MAGI1: variants seen among roughly 807,000 people sequenced by gnomAD.
MAGI1 encodes the protein membrane associated guanylate kinase, WW and PDZ domain containing 1.
Under a neutral mutation model 139.9 loss-of-function variants are expected in MAGI1, and 58 were observed. That is an observed-to-expected ratio of 0.41 (90% CI 0.34 to 0.52). MAGI1 has a LOEUF of 0.52. MAGI1 is among the 20% of genes least tolerant of loss of function. The pLI is 0.12. For missense variants in MAGI1, 1,874 were observed against 1,901.6 expected (o/e 0.99, Z 0.27); for synonymous variants, 812 against 737.9 (o/e 1.10, Z -1.63).
chr3:65,849,522 C>CAT (rs1296624678), intron 1 of MAGI1, among the ~76,000 whole-genome samples: 10 of 148,550 alleles, frequency 6.7e-5, no homozygotes, highest in Non-Finnish European at 1.0e-4. Context: ...ATCAAATATA[C>CAT]ATATATATCA....
intron 1 of MAGI1, among the ~76,000 whole-genome samples, chr3:66,005,622 T>C (rs991497192): frequency 4.6e-5 from 7 of 152,080 alleles, no homozygotes; most frequent in Non-Finnish European, 1.0e-4. Context: ...TGTCTTACTA[T>C]ACATATTGAG....
intron 1 of MAGI1, among the ~76,000 whole-genome samples, chr3:65,791,233 C>A (rs911190210): frequency 1.3e-5 from 2 of 152,144 alleles, no homozygotes; most frequent in African/African-American, 4.8e-5. Context: ...ACCCAGCCTG[C>A]GTGGGAAGAA....
chr3:65,884,482 A>G (rs1054975649), intron 1 of MAGI1, among the ~76,000 whole-genome samples: 1 of 152,240 alleles, frequency 6.6e-6, no homozygotes, highest in Non-Finnish European at 1.5e-5. Flanking sequence ...AAAATGTGAG[A>G]TAAAATTAAG....
intron 1 of MAGI1, among the ~76,000 whole-genome samples, chr3:65,708,503 CTTTCT>C (rs1308097827): frequency 1.3e-5 from 2 of 152,104 alleles, no homozygotes; most frequent in Non-Finnish European, 2.9e-5. Flanking sequence ...CAGAACATCT[CTTTCT>C]TTTGAAACTT....
rs963018667 is a variant in MAGI1 at position 65,671,364 on chromosome 3, G to C, written c.314-49276C>G. ...TGCAGCAGTATCCTCGGCTCTTACT[G>C]ACTAGATACCAGGAGCAATCGACAT... On this transcript the variant is annotated intron_variant, in intron 1 of 22. Coordinates refer to ENST00000402939, the MANE Select transcript of MAGI1 (RefSeq NM_001033057.2). Among the ~76,000 whole-genome samples the C allele has an allele frequency of 7.2e-5, 11 of 152,260 alleles. No homozygotes were observed. In the South Asian group the frequency reaches 2.3e-3, roughly 32 times the overall value.
intron 1 of MAGI1, among the ~76,000 whole-genome samples, chr3:65,799,013 C>T (rs1015848386): frequency 2.6e-5 from 4 of 151,906 alleles, no homozygotes; most frequent in East Asian, 1.9e-4. Context: ...AATGATGACC[C>T]GAGAGTGCAA....
At chr3:65,645,818 A>G (rs2107274487) in intron 1 of MAGI1, among the ~76,000 whole-genome samples, 1 of 152,192 alleles carries the variant, frequency 6.6e-6, no homozygotes, top group Admixed American at 6.5e-5. Flanking sequence ...TAGTTATTTT[A>G]TATACTTTTG....
intron 1 of MAGI1, among the ~76,000 whole-genome samples, chr3:65,889,052 T>A (rs1030523345): frequency 2.0e-5 from 3 of 152,328 alleles, no homozygotes; most frequent in South Asian, 4.1e-4. Flanking sequence ...CTATTCATTA[T>A]CAGATTCATA....
chr3:65,504,999 T>C (rs962860914), intron 2 of MAGI1, among the ~76,000 whole-genome samples: 2 of 152,198 alleles, frequency 1.3e-5, no homozygotes, highest in African/African-American at 4.8e-5. Flanking sequence ...ATCTTCAGCA[T>C]TAGATACACA....
intron 1 of MAGI1, among the ~76,000 whole-genome samples, chr3:65,706,537 T>C (rs936158107): frequency 5.9e-5 from 9 of 152,196 alleles, no homozygotes; most frequent in Non-Finnish European, 8.8e-5. Context: ...CTCAATGAGC[T>C]GGCAAACAGC....
At chr3:65,411,865 T>C (rs1945819598) in intron 12 of MAGI1, among the ~76,000 whole-genome samples, 1 of 152,098 alleles carries the variant, frequency 6.6e-6, no homozygotes, top group Admixed American at 6.6e-5. Context: ...TCTCCCACCA[T>C]ATCCGTCTCC....
chr3:65,579,913 T>A (rs1298871264), intron 2 of MAGI1, among the ~76,000 whole-genome samples: 1 of 151,778 alleles, frequency 6.6e-6, no homozygotes, highest in African/African-American at 2.4e-5. Context: ...CTAGACAAGC[T>A]CACTGGCACT....
intron 2 of MAGI1, among the ~76,000 whole-genome samples, chr3:65,596,964 G>A (rs1303145176): frequency 2.0e-5 from 3 of 152,170 alleles, no homozygotes; most frequent in African/African-American, 7.2e-5. Context: ...AACGGACAGA[G>A]GAGAATCGCA....
intron 1 of MAGI1, among the ~76,000 whole-genome samples, chr3:65,781,256 G>A (rs1201278322): frequency 6.6e-6 from 1 of 152,094 alleles, no homozygotes; most frequent in Admixed American, 6.6e-5. Flanking sequence ...AATAGTACCT[G>A]CACACAGAGC....
intron 1 of MAGI1, among the ~76,000 whole-genome samples, chr3:65,860,003 C>A (rs1410479828): frequency 1.3e-5 from 2 of 151,630 alleles, no homozygotes; most frequent in African/African-American, 4.8e-5. Context: ...TCAAGCGATT[C>A]TCCTGCCTCA....
chr3:65,981,657 G>A (rs2065589054), intron 1 of MAGI1, among the ~76,000 whole-genome samples: 1 of 152,202 alleles, frequency 6.6e-6, no homozygotes, highest in South Asian at 2.1e-4. Context: ...CCCGGTGGGA[G>A]ATAACTGAAT....
intron 12 of MAGI1, among the ~76,000 whole-genome samples, chr3:65,427,761 C>T (rs566589151): frequency 1.3e-5 from 2 of 152,304 alleles, no homozygotes; most frequent in South Asian, 4.1e-4. Context: ...TGACAAATAT[C>T]AGTGGAGAGG....
At chr3:65,475,654 C>A (rs1950851434) in intron 4 of MAGI1, among the ~76,000 whole-genome samples, 1 of 152,050 alleles carries the variant, frequency 6.6e-6, no homozygotes, top group South Asian at 2.1e-4. Flanking sequence ...CTTTTTAGGT[C>A]AATAATTTGG....
intron 2 of MAGI1, among the ~76,000 whole-genome samples, chr3:65,536,872 G>C (rs187900627): frequency 4.6e-5 from 7 of 152,184 alleles, no homozygotes; most frequent in Non-Finnish European, 1.0e-4. Flanking sequence ...ATACAGCAGA[G>C]GGCAGAAGAC....
Sources: gnomAD v4.1 joint callset for allele counts (sites outside exome capture counted in the v4.1 genomes callset) on GRCh38, gnomAD v4.1.1 for gene constraint, MANE v1.5 for transcripts, NCBI Gene and HGNC (gene_info 2026-07-23, HGNC 2026-07-21) for gene names.